Variants in GABBR2 observed in about 807,000 individuals in gnomAD.
GABBR2 encodes G-protein coupled receptor 51.
A neutral mutation model predicts 105.6 loss-of-function variants in GABBR2; 23 were observed. That is an observed-to-expected ratio of 0.22 (90% CI 0.16 to 0.31). The LOEUF is 0.31. GABBR2 is among the 10% of genes least tolerant of loss of function. GABBR2 has a pLI of 1.00. For synonymous variants in GABBR2, 478 were observed against 499.7 expected, an observed-to-expected ratio of 0.96 and a Z score of 0.58; for missense variants, 734 against 1,245.5, an observed-to-expected ratio of 0.59 and a Z score of 6.18.
At chr9:98,449,287 T>C (rs1285744738) in intron 7 of GABBR2, among the ~76,000 whole-genome samples, 2 of 152,232 alleles carry the variant, frequency 1.3e-5, no homozygotes, top group African/African-American at 4.8e-5. Context: ...GCCTAGCAAT[T>C]GTTCCTCTAC....
In GABBR2 at chr9:98,299,248, G is replaced by C; in HGVS notation, c.2518C>G (p.Leu840Val). 2 of 1,614,152 alleles carry C rather than the reference G, an allele frequency of 1.2e-6. No individual in the cohort carries two copies. The highest frequency in any genetic ancestry group is 1.7e-6 in the Non-Finnish European group (2 of 1,180,034). ...CCTGTGCTCTCAGTGAAGTTTCCCA[G>C]GTTGAGGATGTCATTGAGCTCTTGG... ...HYQELNDILNLGNFTESTDGG... is the reference protein window; with the variant it reads ...HYQELNDILNVGNFTESTDGG... The change falls in exon 17 of 19, where the codon CTG (leucine) becomes GTG (valine). Residue 840 changes from leucine (L) to valine (V), a missense_variant. Around this residue, in one of 7 missense-constraint regions of GABBR2, gnomAD observed 134 missense variants for 171.2 expected, o/e 0.78. Coordinates refer to ENST00000259455, the MANE Select transcript of GABBR2 (RefSeq NM_005458.8).
At chr9:98,362,057 CA>C (rs1333009802) in intron 13 of GABBR2, among the ~76,000 whole-genome samples, 3 of 152,140 alleles carry the variant, frequency 2.0e-5, no homozygotes, top group African/African-American at 7.2e-5. Context: ...GAAATCCTAC[CA>C]AATAGCACAC....
chr9:98,437,810 G>A (rs1371137615), intron 7 of GABBR2, among the ~76,000 whole-genome samples: 3 of 145,378 alleles, frequency 2.1e-5, no homozygotes, highest in Admixed American at 6.9e-5. Context: ...CTACCCACAC[G>A]TCCATCCATC....
At chr9:98,579,812 C>T (rs1458696943) in intron 1 of GABBR2, among the ~76,000 whole-genome samples, 3 of 152,188 alleles carry the variant, frequency 2.0e-5, no homozygotes, top group African/African-American at 7.2e-5. Flanking sequence ...AATAAAACCA[C>T]AACCTTTGGG....
intron 1 of GABBR2, among the ~76,000 whole-genome samples, chr9:98,667,109 C>T (rs1471756464): frequency 6.6e-6 from 1 of 152,140 alleles, no homozygotes; most frequent in Non-Finnish European, 1.5e-5. Context: ...TGGCTCAGCC[C>T]ACCCAGTAAG....
intron 13 of GABBR2, among the ~76,000 whole-genome samples, chr9:98,329,630 C>T (rs142650290): frequency 2.0e-5 from 3 of 152,210 alleles, no homozygotes; most frequent in South Asian, 2.1e-4. Context: ...CCCTGCCCTT[C>T]GGGGCTCATT....
chr9:98,450,675 T>C (rs1463889911), intron 7 of GABBR2, among the ~76,000 whole-genome samples: 1 of 152,162 alleles, frequency 6.6e-6, no homozygotes, highest in Non-Finnish European at 1.5e-5. Context: ...AGCATTGAAT[T>C]TGAGGATATT....
intron 10 of GABBR2, among the ~76,000 whole-genome samples, chr9:98,386,611 C>T (rs934953920): frequency 6.6e-6 from 1 of 152,160 alleles, no homozygotes; most frequent in African/African-American, 2.4e-5. Context: ...GCCCAGCAAG[C>T]CAGGGTCATC....
intron 1 of GABBR2, among the ~76,000 whole-genome samples, chr9:98,697,630 T>C (rs1830774035): frequency 6.6e-6 from 1 of 152,244 alleles, no homozygotes; most frequent in Non-Finnish European, 1.5e-5. Context: ...TTTCTTTTTC[T>C]TCATCTACCC....
chr9:98,586,560 A>T (rs919287691), intron 1 of GABBR2, among the ~76,000 whole-genome samples: 4 of 152,154 alleles, frequency 2.6e-5, no homozygotes, highest in Non-Finnish European at 5.9e-5. Flanking sequence ...TTGGCCTCCC[A>T]AAGTGCTGGG....
At chr9:98,584,248 T>C (rs1313028211) in intron 1 of GABBR2, among the ~76,000 whole-genome samples, 1 of 152,124 alleles carries the variant, frequency 6.6e-6, no homozygotes, top group East Asian at 1.9e-4. Context: ...CAAACTGTCA[T>C]GCAATAACTC....
chr9:98,310,207 T>C (rs1268411839), intron 14 of GABBR2, among the ~76,000 whole-genome samples: 1 of 152,160 alleles, frequency 6.6e-6, no homozygotes, highest in Non-Finnish European at 1.5e-5. Flanking sequence ...TTTCAAGTTC[T>C]TCCTAATGTT....
chr9:98,418,518 G>C (rs1832727157), intron 7 of GABBR2, among the ~76,000 whole-genome samples: 3 of 151,054 alleles, frequency 2.0e-5, no homozygotes, highest in African/African-American at 7.3e-5. Context: ...CTGGGTGACA[G>C]AGTGAGACCC....
intron 7 of GABBR2, among the ~76,000 whole-genome samples, chr9:98,446,730 A>T (rs1289128738): frequency 2.0e-5 from 3 of 152,158 alleles, no homozygotes; most frequent in Admixed American, 6.5e-5. Context: ...AAGGAACATG[A>T]AAAAGGGACC....
chr9:98,481,061 G>A, intron 4 of GABBR2, 64 bp from the exon 5 acceptor site: 1 of 1,011,884 alleles, frequency 9.9e-7, no homozygotes, highest in East Asian at 2.4e-5. Context: ...AGGGTTCAAG[G>A]CTGTGGCAGA....
At chr9:98,371,309 C>T (rs548796721) in intron 12 of GABBR2, among the ~76,000 whole-genome samples, 155 bp downstream of exon 12, 2 of 152,160 alleles carry the variant, frequency 1.3e-5, no homozygotes, top group African/African-American at 4.8e-5. Flanking sequence ...GTTAACTGTC[C>T]GATTTCCCCA....
chr9:98,436,762 C>T (rs141511962), intron 7 of GABBR2, among the ~76,000 whole-genome samples: 177 of 152,128 alleles, frequency 1.2e-3, no homozygotes, highest in Non-Finnish European at 2.1e-3. Flanking sequence ...GCAACTGGAA[C>T]GTTTCTCAAA....
chr9:98,410,109 C>A (rs1190893075), intron 7 of GABBR2, among the ~76,000 whole-genome samples: 1 of 143,758 alleles, frequency 7.0e-6, no homozygotes, highest in Non-Finnish European at 1.5e-5. Context: ...AACACCCCAG[C>A]TTGAGCTGGA....
At chr9:98,604,899 C>T (rs949221110) in intron 1 of GABBR2, among the ~76,000 whole-genome samples, 1 of 152,206 alleles carries the variant, frequency 6.6e-6, no homozygotes, top group East Asian at 1.9e-4. Context: ...CCTCATCTCC[C>T]AGGAGTCAAT....
Sources: allele counts gnomAD v4.1 joint callset (sites outside exome capture counted in the v4.1 genomes callset), GRCh38; gene constraint gnomAD v4.1.1; regional missense constraint gnomAD v4.1.1; transcripts MANE v1.5; gene names NCBI Gene and HGNC (gene_info 2026-07-23, HGNC 2026-07-21).